Variants in ERBB4 observed in about 807,000 individuals in gnomAD.
ERBB4 encodes the protein receptor tyrosine-protein kinase erbB-4.
Under a neutral mutation model 158.0 loss-of-function variants are expected in ERBB4, and 42 were observed. The observed-to-expected ratio is 0.27, with a 90% CI of 0.21 to 0.34. The LOEUF (loss-of-function observed/expected upper bound fraction) is 0.34, where lower values mean the gene tolerates loss of function less well. ERBB4 is among the 10% of genes least tolerant of loss of function. The pLI is 1.00. For missense variants in ERBB4, 1,333 were observed against 1,624.1 expected, an observed-to-expected ratio of 0.82 and a Z score of 3.08; for synonymous variants, 583 against 558.7, an observed-to-expected ratio of 1.04 and a Z score of -0.61.
chr2:211,446,205 T>A (rs961540484), intron 20 of ERBB4, among the ~76,000 whole-genome samples: 1 of 151,946 alleles, frequency 6.6e-6, no homozygotes, highest in African/African-American at 2.4e-5. Flanking sequence ...CCATGTAGAG[T>A]GGGTAAGAAA....
At chr2:212,249,547 A>G (rs2084450187) in intron 1 of ERBB4, among the ~76,000 whole-genome samples, 1 of 151,952 alleles carries the variant, frequency 6.6e-6, no homozygotes, top group Non-Finnish European at 1.5e-5. Context: ...GCAATAAACT[A>G]AACTGACGAC....
chr2:211,776,603 C>T (rs1279348433), intron 4 of ERBB4, among the ~76,000 whole-genome samples: 2 of 152,126 alleles, frequency 1.3e-5, no homozygotes, highest in Non-Finnish European at 2.9e-5. Flanking sequence ...CACTGTCTTG[C>T]TTTGAATACT....
In ERBB4 at chr2:211,944,096, T is replaced by TAC. The variant is rs1553517812; in HGVS notation, c.421+3332_421+3333dup. ...CATGGTTACACTATATATATATATATACATGGTTACACTATATATATATAC... is the reference window on the plus strand; with the variant it reads ...CATGGTTACACTATATATATATATATACACATGGTTACACTATATATATATAC... On this transcript the variant is annotated intron_variant, in intron 3 of 27. Coordinates refer to ENST00000342788, the MANE Select transcript of ERBB4 (RefSeq NM_005235.3). 8.4e-5 allele frequency among the ~76,000 whole-genome samples: 11 copies of TAC among 131,292 alleles called. 1 individual carries two copies. Among genetic ancestry groups the TAC allele is most frequent in the African/African-American group, 1.6e-4 (5 of 30,672 alleles). 86.1% of individuals were successfully genotyped at this position (131,292 alleles called of 152,430 possible).
intron 1 of ERBB4, among the ~76,000 whole-genome samples, chr2:212,224,316 A>C (rs1015353979): frequency 6.6e-6 from 1 of 152,002 alleles, no homozygotes; most frequent in African/African-American, 2.4e-5. Context: ...CTTTATATTT[A>C]CTATCCTGTA....
At chr2:212,521,388 T>G (rs6435707) in intron 1 of ERBB4, among the ~76,000 whole-genome samples, 95,289 of 151,584 alleles carry the variant, frequency 0.63, 31,713 homozygotes, top group African/African-American at 0.84. Context: ...TACTTAAAGT[T>G]CTCATGACAG....
intron 19 of ERBB4, among the ~76,000 whole-genome samples, chr2:211,572,535 T>C (rs1426070272): frequency 6.6e-6 from 1 of 152,164 alleles, no homozygotes; most frequent in Non-Finnish European, 1.5e-5. Flanking sequence ...GGTACAATAC[T>C]GAATGAAGAA....
intron 15 of ERBB4, among the ~76,000 whole-genome samples, chr2:211,662,994 T>C (rs1008256198): frequency 6.6e-6 from 1 of 152,180 alleles, no homozygotes; most frequent in South Asian, 2.1e-4. Context: ...TGTTTAGGAA[T>C]AAAAATAGTT....
At chr2:212,029,595 T>C (rs2076853875) in intron 2 of ERBB4, among the ~76,000 whole-genome samples, 1 of 152,182 alleles carries the variant, frequency 6.6e-6, no homozygotes, top group Non-Finnish European at 1.5e-5. Context: ...AGATAAGTTC[T>C]GAATATTCAT....
intron 2 of ERBB4, among the ~76,000 whole-genome samples, chr2:212,050,857 G>A (rs1409821646): frequency 1.3e-5 from 2 of 152,132 alleles, no homozygotes; most frequent in African/African-American, 4.8e-5. Flanking sequence ...AATAATGCAG[G>A]CAAAAATAAT....
chr2:211,622,372 A>G (rs963981096), intron 18 of ERBB4, among the ~76,000 whole-genome samples: 1 of 152,170 alleles, frequency 6.6e-6, no homozygotes, highest in African/African-American at 2.4e-5. Flanking sequence ...CAAAGTAGGT[A>G]CTCAAATTTT....
chr2:212,376,406 G>A (rs1212185808), intron 1 of ERBB4, among the ~76,000 whole-genome samples: 2 of 151,972 alleles, frequency 1.3e-5, no homozygotes, highest in Non-Finnish European at 2.9e-5. Context: ...CTTTCCGGAA[G>A]GCATTTTGCT....
At chr2:211,578,265 C>A (rs1428922311) in intron 19 of ERBB4, among the ~76,000 whole-genome samples, 4 of 152,068 alleles carry the variant, frequency 2.6e-5, no homozygotes, top group Admixed American at 2.0e-4. Flanking sequence ...AGGACCTCTT[C>A]GAGGAGAACT....
intron 1 of ERBB4, among the ~76,000 whole-genome samples, chr2:212,294,891 T>A (rs1474608527): frequency 1.3e-5 from 2 of 152,108 alleles, no homozygotes; most frequent in African/African-American, 4.8e-5. Flanking sequence ...CTTGGATGCA[T>A]AAATCTCATT....
At position 211,378,887 on chromosome 2, in the gene ERBB4, C is replaced by CTT. The variant is rs10585346; in HGVS notation, c.*4726_*4727dup. The CTT allele has an allele frequency of 4.6e-6, 1 of 219,410 alleles. No homozygotes were observed. 13.6% of individuals were successfully genotyped at this position (219,410 alleles called of 1,614,324 possible). Reference sequence around the variant, plus strand: ...ACAGTAGAAGTTAATTTATCTGTTTCTTTTTTTTTTTTTAACAACTAGAAG... The same window carrying CTT: ...ACAGTAGAAGTTAATTTATCTGTTTCTTTTTTTTTTTTTTTAACAACTAGAAG... On this transcript the variant is annotated 3_prime_UTR_variant, in exon 28 of 28. Coordinates refer to ENST00000342788, the MANE Select transcript of ERBB4 (RefSeq NM_005235.3).
intron 1 of ERBB4, among the ~76,000 whole-genome samples, chr2:212,428,597 CAA>C (rs2091963320): frequency 6.6e-6 from 1 of 151,894 alleles, no homozygotes; most frequent in Non-Finnish European, 1.5e-5. Flanking sequence ...AGATCTGGTG[CAA>C]AACATTGTAC....
chr2:212,325,957 C>T (rs1165066349), intron 1 of ERBB4, among the ~76,000 whole-genome samples: 1 of 150,356 alleles, frequency 6.7e-6, no homozygotes, highest in Non-Finnish European at 1.5e-5. Flanking sequence ...CAAGACATGC[C>T]CAATTCAGAG....
intron 2 of ERBB4, among the ~76,000 whole-genome samples, chr2:212,070,782 G>A (rs1017152272): frequency 6.6e-6 from 1 of 151,694 alleles, no homozygotes; most frequent in African/African-American, 2.4e-5. Context: ...GTGAAGCTTT[G>A]GTTTCTTTCT....
intron 1 of ERBB4, among the ~76,000 whole-genome samples, chr2:212,158,646 C>T (rs752738606): frequency 5.3e-5 from 8 of 151,890 alleles, no homozygotes; most frequent in Non-Finnish European, 1.0e-4. Context: ...CACTCACATC[C>T]CCAATAAATA....
chr2:211,546,122 G>A (rs554572761), intron 20 of ERBB4, among the ~76,000 whole-genome samples: 36 of 151,680 alleles, frequency 2.4e-4, no homozygotes, highest in African/African-American at 3.9e-4. Context: ...GTGAAATTAC[G>A]TAGAAATAGT....
Sources: allele counts gnomAD v4.1 joint callset (sites outside exome capture counted in the v4.1 genomes callset), GRCh38; gene constraint gnomAD v4.1.1; transcripts MANE v1.5; gene names NCBI Gene and HGNC (gene_info 2026-07-23, HGNC 2026-07-21).